Variants in BCAN observed in about 807,000 individuals in gnomAD.
BCAN encodes the protein brevican.
Under a neutral mutation model 92.4 loss-of-function variants are expected in BCAN, and 51 were observed. The ratio of observed to expected loss-of-function variants is 0.55; its 90% CI spans 0.44 to 0.70. The LOEUF (loss-of-function observed/expected upper bound fraction) is 0.70. BCAN is among the 30% of genes least tolerant of loss of function. The pLI is 0.00. For missense variants in BCAN, 1,140 were observed against 1,212.1 expected, an observed-to-expected ratio of 0.94 and a Z score of 0.88; for synonymous variants, 501 against 505.2, an observed-to-expected ratio of 0.99 and a Z score of 0.11.
intron 10 of BCAN, 36 bp from the exon 11 acceptor site, chr1:156,657,639 G>A (rs1376667404): frequency 6.4e-7 from 1 of 1,563,370 alleles, no homozygotes; most frequent in South Asian, 1.2e-5. Context: ...GCCATCTGCT[G>A]GCGGCTGCGC....
rs755206465 is a variant in BCAN at position 156,652,682 on chromosome 1, C to T, written c.1732C>T (p.Pro578Ser). The change falls in exon 8 of 14, where the codon CCT becomes TCT. Residue 578 changes from proline to serine, a missense_variant. This residue lies in a region of BCAN where 825 missense variants were observed against 871.8 expected (regional missense o/e 0.95). Transcript: ENST00000329117. ...ATGGPELSGV[P>S]RGESEETGSS... ...TGGTGGTCCTGAGCTATCTGGGGTC[C>T]CTCGAGGAGAGAGCGAGGAGACAGG... 4.4e-5 allele frequency: 71 copies of T among 1,610,888 alleles called. No homozygotes were observed. The South Asian group carries it at 7.6e-4, about 17-fold the overall frequency.
intron 1 of BCAN, chr1:156,643,629 C>CAGAGGGAGAGAGAG (rs1314248027): frequency 2.2e-5 from 1 of 45,032 alleles, no homozygotes; most frequent in African/African-American, 3.9e-5. Flanking sequence ...CACACACACA[C>CAGAGGGAGAGAGAG]ACACACAGAG....
rs149537270 is a variant in BCAN, at chr1:156,647,875, T to C, written c.642-108T>C. On this transcript the variant is annotated intron_variant, in intron 4 of 13. Coordinates refer to ENST00000329117, the MANE Select transcript of BCAN (RefSeq NM_021948.5). This position sits in a 1 kb window ranked among gnomAD's most constrained non-coding sequence, Gnocchi z 4.8. ...CTGCAGTGCTAGAAGGACAGCCAGC[T>C]GTCAGCAAGTGTCTGCACTGTGGTG... The C allele has an allele frequency of 5.7e-6, 9 of 1,565,326 alleles. No homozygotes were observed. The South Asian group carries it at 7.8e-5, about 14-fold the overall frequency.
chr1:156,656,255 C>G (rs769572226), intron 8 of BCAN, 27 bp from the exon 9 acceptor site: 1 of 1,439,284 alleles, frequency 6.9e-7, no homozygotes, highest in Non-Finnish European at 9.1e-7. Context: ...CCTCGCTCCC[C>G]CCGCCTCACT....
intron 10 of BCAN, 169 bp downstream of exon 10, chr1:156,657,265 C>G (rs1187359961): frequency 3.1e-6 from 3 of 980,116 alleles, no homozygotes; most frequent in African/African-American, 3.3e-5. Flanking sequence ...CCTTCCCACC[C>G]TACGCTTAGG....
Position 156,647,793 on chromosome 1 carries a change from T to C in BCAN, c.641+111T>C, listed in dbSNP as rs1571440482. 5.2e-6 allele frequency: 8 copies of C among 1,545,074 alleles called. No homozygotes were observed. In the East Asian group the frequency reaches 1.6e-4, roughly 31 times the overall value. ...GGCTGGACATGCAGGGCTTTTTGCC[T>C]CTGGGGGATGAGGCTGGTCTGAGGA... is the stretch of plus-strand genomic sequence containing the variant. On this transcript the variant is annotated intron_variant, in intron 4 of 13. Coordinates refer to ENST00000329117, the MANE Select transcript of BCAN (RefSeq NM_021948.5). This position sits in a 1 kb window ranked among gnomAD's most constrained non-coding sequence, Gnocchi z 4.8.
chr1:156,649,382 T>C (rs1352522828), intron 6 of BCAN, among the ~76,000 whole-genome samples: 1 of 152,190 alleles, frequency 6.6e-6, no homozygotes, highest in Non-Finnish European at 1.5e-5. Context: ...GGAATAGAGA[T>C]AGCTTTCTGC....
In BCAN at chr1:156,656,323, T is replaced by G; in HGVS notation, c.1984T>G (p.Leu662Val). 1 of 1,443,626 alleles carries G rather than the reference T, an allele frequency of 6.9e-7. No individual in the cohort carries two copies. Among genetic ancestry groups the G allele is most frequent in the Non-Finnish European group, 9.1e-7 (1 of 1,104,426 alleles). 89.4% of individuals were successfully genotyped at this position (1,443,626 alleles called of 1,614,324 possible). A position where few individuals can be genotyped will look rare whatever the true frequency, so the allele number is the denominator to read the frequency against. ...PSPCHNGGTC[L>V]EEEEGVRCLC... ...CCCCTGCCACAATGGTGGGACATGCTTGGAGGAGGAGGAAGGGGTCCGCTG... is the reference window on the plus strand; with the variant it reads ...CCCCTGCCACAATGGTGGGACATGCGTGGAGGAGGAGGAAGGGGTCCGCTG... The change falls in exon 9 of 14, where the codon TTG becomes GTG. Residue 662 changes from leucine (L) to valine (V), a missense_variant. Leu to Val is a conservative substitution (Grantham distance 32). Transcript: ENST00000329117.
rs779322148 is a variant in BCAN at position 156,646,847 on chromosome 1, G to C, written c.138G>C (p.Gln46His). 9.4e-6 allele frequency: 15 copies of C among 1,603,334 alleles called. No homozygotes were observed. The East Asian group carries it at 3.4e-4, about 36-fold the overall frequency. Residue 46 changes from glutamine to histidine, a missense_variant, in exon 3 of 14, where the codon CAG becomes CAC. By Grantham distance (24) the Gln-to-His change is conservative. Transcript: ENST00000329117. ...RVRIAGDAPL[Q>H]GVLGGALTIP... ...GCATCGCGGGCGACGCGCCACTGCA[G>C]GGCGTGCTCGGCGGCGCCCTCACCA...
chr1:156,646,000 C>T (rs2102554909), intron 1 of BCAN, 47 bp from the exon 2 acceptor site: 2 of 1,529,670 alleles, frequency 1.3e-6, no homozygotes, highest in Non-Finnish European at 1.8e-6. Flanking sequence ...GGGGGAAGTC[C>T]ATCCTGAAGT....
intron 1 of BCAN, among the ~76,000 whole-genome samples, chr1:156,645,504 G>T (rs1678932686): frequency 1.3e-5 from 2 of 152,138 alleles, no homozygotes; most frequent in African/African-American, 2.4e-5. Context: ...TCCTGGAAAA[G>T]GCCAGGTGAG....
intron 1 of BCAN, chr1:156,644,631 GAC>G (rs1181553498): frequency 6.6e-6 from 1 of 152,222 alleles, no homozygotes; most frequent in African/African-American, 2.4e-5. Context: ...ATGATATCCA[GAC>G]ACAGTGGGGG....
chr1:156,651,821 C>A, intron 7 of BCAN, 132 bp downstream of exon 7: 1 of 815,514 alleles, frequency 1.2e-6, no homozygotes, highest in Non-Finnish European at 1.9e-6. Flanking sequence ...CTCAGGGGTG[C>A]AGGGCACCTT....
At chr1:156,644,110 C>T (rs1363353505) in intron 1 of BCAN, 1 of 152,240 alleles carries the variant, frequency 6.6e-6, no homozygotes, top group African/African-American at 2.4e-5. Context: ...CTCTTGGCCT[C>T]ACTGGTCAGT....
chr1:156,645,763 T>C (rs1678941857), intron 1 of BCAN, among the ~76,000 whole-genome samples: 2 of 152,164 alleles, frequency 1.3e-5, no homozygotes, highest in African/African-American at 4.8e-5. Flanking sequence ...ACTCATGAGA[T>C]AGTAATGATG....
chr1:156,646,829 G>T lies in BCAN; in HGVS notation c.120G>T (p.Ala40=). The T allele has an allele frequency of 6.3e-7, 1 of 1,578,192 alleles. No homozygotes were observed. Among genetic ancestry groups the T allele is most frequent in the Non-Finnish European group, 8.6e-7 (1 of 1,163,776 alleles). Residue 40 remains alanine, a synonymous_variant, in exon 3 of 14, where the codon GCG becomes GCT. Transcript: ENST00000329117. ...ACCGCGCTTTTCGCGTGCGCATCGC[G>T]GGCGACGCGCCACTGCAGGGCGTGC... ...SEDRAFRVRI[A]GDAPLQGVLG...
chr1:156,659,113 C>G lies in BCAN; in HGVS notation c.2715C>G (p.Ser905=), dbSNP rs1381597545. The G allele has an allele frequency of 6.3e-7, 1 of 1,583,054 alleles. No individual in the cohort carries two copies. ...GGAAGGCGCTGTTGATCCCCCCTTC[C>G]AGCCCCATGCCAGGTCCCTAGGGGG... ...GRWKALLIPP[S]SPMPGP Residue 905 remains serine (S), a synonymous_variant, in exon 14 of 14, where the codon TCC becomes TCG. Coordinates refer to ENST00000329117, the MANE Select transcript of BCAN (RefSeq NM_021948.5).
intron 2 of BCAN, 147 bp from the exon 3 acceptor site, chr1:156,646,649 GACCCT>G (rs200678440): frequency 0.084 from 108,129 of 1,290,048 alleles, 4,883 homozygotes; most frequent in Non-Finnish European, 0.09. Context: ...AGGGCTGCAG[GACCCT>G]GGCCCCTGGC....
Position 156,651,505 on chromosome 1 carries a change from C to A in BCAN, c.1113C>A (p.Asn371Lys). 6.2e-7 allele frequency: 1 copy of A among 1,613,934 alleles called. No individual in the cohort carries two copies. Among genetic ancestry groups the A allele is most frequent in the Non-Finnish European group, 8.5e-7 (1 of 1,179,932 alleles). Residue 371 changes from asparagine to lysine, a missense_variant, in exon 7 of 14, where the codon AAC (asparagine) becomes AAA (lysine). Asn to Lys is a moderately conservative substitution (Grantham distance 94). Transcript: ENST00000329117. ...CTGAGGCCTCCAACCCAGCCTCCAA[C>A]CCAGCCTCTGATGGACTAGAGGCTA... is the stretch of plus-strand genomic sequence containing the variant. ...AIPEASNPAS[N>K]PASDGLEAIV... is the part of the protein sequence containing the mutation.
Sources: gnomAD v4.1 joint callset for allele counts (sites outside exome capture counted in the v4.1 genomes callset) on GRCh38, gnomAD v4.1.1 for gene constraint, gnomAD v4.1.1 regional missense constraint, Gnocchi (gnomAD v3.1) non-coding constraint, MANE v1.5 for transcripts, NCBI Gene and HGNC (gene_info 2026-07-23, HGNC 2026-07-21) for gene names.